The following LSAMP variants were observed in gnomAD, a reference collection of about 807,000 sequenced individuals.
LSAMP encodes the protein limbic system-associated membrane protein.
A neutral mutation model predicts 38.6 loss-of-function variants in LSAMP; 7 were observed. That is an observed-to-expected ratio of 0.18 (90% CI 0.10 to 0.34). The LOEUF is 0.34. LSAMP is among the 10% of genes least tolerant of loss of function. The pLI is 1.00. For synonymous variants in LSAMP, 154 were observed against 166.8 expected (o/e 0.92, Z 0.59); for missense variants, 313 against 420.0 (o/e 0.75, Z 2.23).
chr3:115,933,019 GA>G (rs1937606322), intron 3 of LSAMP, among the ~76,000 whole-genome samples: 1 of 152,188 alleles, frequency 6.6e-6, no homozygotes, highest in Admixed American at 6.5e-5. Context: ...GTTTCAGGGG[GA>G]AGAAAGAGAA....
At position 116,303,066 on chromosome 3, in the gene LSAMP, T is replaced by C. The variant is rs75126192; in HGVS notation, c.155+141811A>G. Among the ~76,000 whole-genome samples the C allele has an allele frequency of 3.3e-5, 5 of 152,212 alleles. No individual in the cohort carries two copies. In the East Asian group the frequency reaches 9.6e-4, roughly 29 times the overall value. On this transcript the variant is annotated intron_variant, in intron 1 of 6. Transcript: ENST00000490035. ...TTTTAATTAATTTTTTTTTGAACTA[T>C]GAAATTAATGTGCACCCATGAATGC...
chr3:116,271,440 TC>T (rs998844426), intron 1 of LSAMP, among the ~76,000 whole-genome samples: 3 of 151,968 alleles, frequency 2.0e-5, no homozygotes, highest in African/African-American at 7.2e-5. Context: ...GAAATAACAC[TC>T]CAAGGAGTTA....
intron 3 of LSAMP, among the ~76,000 whole-genome samples, chr3:115,879,418 G>T (rs1936266637): frequency 6.6e-6 from 1 of 152,048 alleles, no homozygotes; most frequent in South Asian, 2.1e-4. Context: ...ACATTTATTA[G>T]TTATATCAGG....
chr3:116,126,713 T>G (rs909909923), intron 1 of LSAMP, among the ~76,000 whole-genome samples: 2 of 152,020 alleles, frequency 1.3e-5, no homozygotes, highest in African/African-American at 4.8e-5. Flanking sequence ...AATACAAAAA[T>G]TAGCTGGGTG....
chr3:116,165,388 T>A (rs1710024758), intron 1 of LSAMP, among the ~76,000 whole-genome samples: 1 of 152,224 alleles, frequency 6.6e-6, no homozygotes, highest in Non-Finnish European at 1.5e-5. Flanking sequence ...CCTATCTTGT[T>A]TGCTGGCAAC....
chr3:116,107,592 A>C (rs1362208570), intron 1 of LSAMP, among the ~76,000 whole-genome samples: 3 of 152,140 alleles, frequency 2.0e-5, no homozygotes, highest in Non-Finnish European at 4.4e-5. Context: ...CAGGGCGAGC[A>C]TGTGTGTTTT....
chr3:116,244,405 T>A (rs1306613925), intron 1 of LSAMP, among the ~76,000 whole-genome samples: 1 of 152,210 alleles, frequency 6.6e-6, no homozygotes, highest in Non-Finnish European at 1.5e-5. Flanking sequence ...GGCAAACCCA[T>A]GTCCTCCCAC....
rs183835197 is a variant in LSAMP at position 116,097,986 on chromosome 3, T to C, written c.156-11430A>G. 9.5e-4 allele frequency among the ~76,000 whole-genome samples: 145 copies of C among 152,128 alleles called. 1 individual carries two copies. Among genetic ancestry groups the C allele is most frequent in the African/African-American group, 3.4e-3 (141 of 41,554 alleles). On this transcript the variant is annotated intron_variant, in intron 1 of 6. Transcript: ENST00000490035. ...TTGACCTCAGGTGATCCACCCACCT[T>C]GGCCTCCCAAAGTGCTGGGATTACA... is the stretch of plus-strand genomic sequence containing the variant.
chr3:116,375,440 A>G (rs1374976543), intron 1 of LSAMP, among the ~76,000 whole-genome samples: 1 of 151,978 alleles, frequency 6.6e-6, no homozygotes, highest in African/African-American at 2.4e-5. Flanking sequence ...AAATTAGTAA[A>G]AAATAAAAAT....
At position 115,922,559 on chromosome 3, in the gene LSAMP, T is replaced by C. The variant is rs147610980; in HGVS notation, c.515-69942A>G. 1.5e-3 allele frequency among the ~76,000 whole-genome samples: 230 copies of C among 152,334 alleles called. No individual in the cohort carries two copies. The Middle Eastern group carries it at 0.031, about 20-fold the overall frequency. On this transcript the variant is annotated intron_variant, in intron 3 of 6. Coordinates refer to ENST00000490035, the MANE Select transcript of LSAMP (RefSeq NM_002338.5). ...TCATATACTTCCATTTTTAAATTAT[T>C]AATTTCTGAAGATTTATATTGTTTC...
At chr3:115,926,267 T>C (rs528260451) in intron 3 of LSAMP, among the ~76,000 whole-genome samples, 103 of 152,212 alleles carry the variant, frequency 6.8e-4, no homozygotes, top group Admixed American at 1.2e-3. Flanking sequence ...ATATCTCTCA[T>C]ACAGAGGGAT....
intron 1 of LSAMP, among the ~76,000 whole-genome samples, chr3:116,278,858 A>G (rs1417161725): frequency 6.6e-6 from 1 of 152,188 alleles, no homozygotes; most frequent in Non-Finnish European, 1.5e-5. Context: ...ATACTTTTAT[A>G]TTTACTCATC....
intron 1 of LSAMP, among the ~76,000 whole-genome samples, chr3:116,391,230 C>T (rs1310118409): frequency 1.3e-5 from 2 of 150,786 alleles, no homozygotes; most frequent in African/African-American, 2.4e-5. Context: ...GCTGCCATCG[C>T]GCTGGCAGTA....
intron 3 of LSAMP, among the ~76,000 whole-genome samples, chr3:115,970,216 C>T (rs1245504314): frequency 6.6e-6 from 1 of 152,096 alleles, no homozygotes; most frequent in African/African-American, 2.4e-5. Flanking sequence ...TCCCCAGAAG[C>T]CTCTTTCCTC....
intron 1 of LSAMP, among the ~76,000 whole-genome samples, chr3:116,259,456 A>C (rs1430102449): frequency 6.6e-6 from 1 of 152,136 alleles, no homozygotes; most frequent in Non-Finnish European, 1.5e-5. Context: ...CCACAAGATA[A>C]ACTAAAATTG....
At chr3:116,040,580 C>A (rs1438239604) in intron 2 of LSAMP, among the ~76,000 whole-genome samples, 2 of 152,222 alleles carry the variant, frequency 1.3e-5, no homozygotes, top group South Asian at 2.1e-4. Context: ...ACTGCCCTAG[C>A]AATTCCACAA....
chr3:115,966,801 C>T (rs1362051968), intron 3 of LSAMP, among the ~76,000 whole-genome samples: 1 of 152,102 alleles, frequency 6.6e-6, no homozygotes, highest in East Asian at 1.9e-4. Flanking sequence ...TTGGAGGATA[C>T]ATACATATAG....
intron 2 of LSAMP, among the ~76,000 whole-genome samples, chr3:116,064,886 G>A (rs1707377055): frequency 6.6e-6 from 1 of 152,190 alleles, no homozygotes; most frequent in African/African-American, 2.4e-5. Flanking sequence ...AGAACCTATG[G>A]TCTTAAGCCA....
At chr3:116,001,829 AAAT>A (rs1472434906) in intron 3 of LSAMP, among the ~76,000 whole-genome samples, 2 of 152,188 alleles carry the variant, frequency 1.3e-5, no homozygotes, top group African/African-American at 4.8e-5. Context: ...GGGCCTATCC[AAAT>A]AATCTAAACT....
Sources: allele counts gnomAD v4.1 joint callset (sites outside exome capture counted in the v4.1 genomes callset), GRCh38; gene constraint gnomAD v4.1.1; transcripts MANE v1.5; gene names NCBI Gene and HGNC (gene_info 2026-07-23, HGNC 2026-07-21).